The following CDK8 variants were observed in gnomAD, a reference collection of about 807,000 sequenced individuals.
CDK8 encodes cyclin dependent kinase 8.
In CDK8, 29 loss-of-function variants were observed where a neutral mutation model predicts 71.5. That is an observed-to-expected ratio of 0.41 (90% CI 0.30 to 0.55). CDK8 has a LOEUF of 0.55. Ranked by LOEUF, CDK8 falls within the 20% of genes least tolerant of loss-of-function variation. CDK8 has a pLI of 0.37. For synonymous variants in CDK8, 161 were observed against 192.1 expected (o/e 0.84, Z 1.34); for missense variants, 288 against 572.6 (o/e 0.50, Z 5.07).
At chr13:26,264,184 CTT>C (rs1435656476) in intron 1 of CDK8, among the ~76,000 whole-genome samples, 1 of 152,090 alleles carries the variant, frequency 6.6e-6, no homozygotes, top group African/African-American at 2.4e-5. Flanking sequence ...TTAATGCTGA[CTT>C]AATGTTGATT....
At chr13:26,359,373 A>G (rs1317636408) in intron 4 of CDK8, among the ~76,000 whole-genome samples, 2 of 152,206 alleles carry the variant, frequency 1.3e-5, no homozygotes, top group East Asian at 1.9e-4. Context: ...GTATTTTACC[A>G]CAATAAAAGA....
At chr13:26,332,488 C>CATATATATAT (rs71188722) in intron 1 of CDK8, among the ~76,000 whole-genome samples, 214 of 148,304 alleles carry the variant, frequency 1.4e-3, no homozygotes, top group African/African-American at 2.5e-3. Context: ...CCATATAATA[C>CATATATATAT]ATATATATAT....
intron 2 of CDK8, 86 bp from the exon 3 acceptor site, chr13:26,348,986 G>T: frequency 2.4e-6 from 2 of 819,528 alleles, no homozygotes; most frequent in South Asian, 2.8e-5. Flanking sequence ...CTGTGGGTTT[G>T]TATTGCCTTT....
At chr13:26,348,204 A>G (rs1053840660) in intron 2 of CDK8, among the ~76,000 whole-genome samples, 3 of 152,188 alleles carry the variant, frequency 2.0e-5, no homozygotes, top group Non-Finnish European at 1.5e-5. Context: ...TTCCACTTAC[A>G]TGAAATATCT....
At chr13:26,263,280 C>T (rs941264310) in intron 1 of CDK8, among the ~76,000 whole-genome samples, 2 of 151,938 alleles carry the variant, frequency 1.3e-5, no homozygotes, top group African/African-American at 4.8e-5. Context: ...GGACTACAGG[C>T]GCCCGCCACC....
intron 8 of CDK8, 103 bp downstream of exon 8, chr13:26,396,457 T>C (rs1875998264): frequency 2.5e-6 from 1 of 394,962 alleles, no homozygotes; most frequent in Non-Finnish European, 4.6e-6. Context: ...ATAAGATTAC[T>C]CTAATAAATA....
chr13:26,273,407 A>G (rs1872421810), intron 1 of CDK8, among the ~76,000 whole-genome samples: 1 of 152,094 alleles, frequency 6.6e-6, no homozygotes, highest in African/African-American at 2.4e-5. Context: ...TTTCTAATAG[A>G]TTATAATGTT....
intron 12 of CDK8, among the ~76,000 whole-genome samples, chr13:26,402,011 T>C (rs1336652978): frequency 6.6e-6 from 1 of 152,228 alleles, no homozygotes; most frequent in African/African-American, 2.4e-5. Flanking sequence ...TTTGGAACAA[T>C]GTTTCACAGT....
chr13:26,329,963 A>T (rs537159127), intron 1 of CDK8, among the ~76,000 whole-genome samples: 2 of 152,046 alleles, frequency 1.3e-5, no homozygotes, highest in Admixed American at 6.5e-5. Context: ...TACTGTTTCC[A>T]CTTCCTGGGG....
intron 1 of CDK8, among the ~76,000 whole-genome samples, chr13:26,317,683 T>C (rs1247502926): frequency 6.6e-6 from 1 of 152,176 alleles, no homozygotes; most frequent in East Asian, 1.9e-4. Flanking sequence ...CAACACACTC[T>C]TTAAACTTCT....
chr13:26,299,641 G>T (rs1454553324), intron 1 of CDK8, among the ~76,000 whole-genome samples: 1 of 152,134 alleles, frequency 6.6e-6, no homozygotes, highest in Non-Finnish European at 1.5e-5. Context: ...TCTAGCATGG[G>T]GTTTCATTCC....
At chr13:26,315,989 A>G (rs1033139388) in intron 1 of CDK8, among the ~76,000 whole-genome samples, 7 of 152,120 alleles carry the variant, frequency 4.6e-5, no homozygotes, top group South Asian at 4.1e-4. Context: ...GTTTCAGTCA[A>G]TTTCACTCTT....
chr13:26,312,337 T>C (rs1176017150), intron 1 of CDK8, among the ~76,000 whole-genome samples: 2 of 152,176 alleles, frequency 1.3e-5, no homozygotes, highest in Non-Finnish European at 2.9e-5. Context: ...GGAAGCTTTG[T>C]TCTTTTGTTC....
At chr13:26,334,340 G>T (rs1164896761) in intron 1 of CDK8, among the ~76,000 whole-genome samples, 3 of 152,082 alleles carry the variant, frequency 2.0e-5, no homozygotes, top group Non-Finnish European at 4.4e-5. Flanking sequence ...TTAAACAGTA[G>T]ATATAATAGA....
chr13:26,400,286 T>C (rs1593314946), intron 9 of CDK8, 167 bp from the exon 10 acceptor site: 2 of 587,118 alleles, frequency 3.4e-6, no homozygotes, highest in East Asian at 5.7e-5. Flanking sequence ...AAAGTGTGAA[T>C]TACTACATTA....
chr13:26,375,379 C>G (rs1309200833), intron 4 of CDK8, among the ~76,000 whole-genome samples: 1 of 152,172 alleles, frequency 6.6e-6, no homozygotes, highest in Non-Finnish European at 1.5e-5. Context: ...GAGGATGTTG[C>G]CCAGCTTCAC....
chr13:26,308,836 G>A (rs1874158005), intron 1 of CDK8, among the ~76,000 whole-genome samples: 1 of 152,064 alleles, frequency 6.6e-6, no homozygotes, highest in African/African-American at 2.4e-5. Context: ...AACTGTACTT[G>A]CTAATGTCAC....
chr13:26,376,029 A>G (rs1225474071), intron 4 of CDK8, among the ~76,000 whole-genome samples: 1 of 152,194 alleles, frequency 6.6e-6, no homozygotes, highest in Non-Finnish European at 1.5e-5. Flanking sequence ...AGAAGAATAC[A>G]GTATAGTTAG....
chr13:26,369,424 G>C (rs1874546346), intron 4 of CDK8, among the ~76,000 whole-genome samples: 1 of 144,962 alleles, frequency 6.9e-6, no homozygotes, highest in African/African-American at 2.6e-5. Context: ...ACTCCAGCCG[G>C]GGTGACAGAG....
Sources: allele counts gnomAD v4.1 joint callset (sites outside exome capture counted in the v4.1 genomes callset), GRCh38; gene constraint gnomAD v4.1.1; transcripts MANE v1.5; gene names NCBI Gene and HGNC (gene_info 2026-07-23, HGNC 2026-07-21).